MDGA2: variants seen among roughly 807,000 people sequenced by gnomAD.
MDGA2 encodes MAM domain containing glycosylphosphatidylinositol anchor 2, also known as MAM domain-containing glycosylphosphatidylinositol anchor protein 2.
MDGA2 carries 40 observed loss-of-function variants against 117.8 expected under a neutral mutation model. That is an observed-to-expected ratio of 0.34 (90% CI 0.26 to 0.44). The LOEUF (loss-of-function observed/expected upper bound fraction) is 0.44, where lower values mean the gene tolerates loss of function less well. Among genes scored for constraint, MDGA2 ranks in the 20% least tolerant of loss-of-function variants. The pLI is 1.00. For missense variants in MDGA2, 1,123 were observed against 1,250.6 expected, an observed-to-expected ratio of 0.90 and a Z score of 1.54; for synonymous variants, 452 against 439.0, an observed-to-expected ratio of 1.03 and a Z score of -0.37.
At chr14:47,628,060 T>C (rs1227214566) in intron 1 of MDGA2, among the ~76,000 whole-genome samples, 1 of 152,214 alleles carries the variant, frequency 6.6e-6, no homozygotes, top group African/African-American at 2.4e-5. Flanking sequence ...TTTGGGGTTT[T>C]GGTGGGGTAG....
intron 1 of MDGA2, among the ~76,000 whole-genome samples, chr14:47,657,724 C>T (rs941694022): frequency 1.3e-5 from 2 of 152,112 alleles, no homozygotes; most frequent in African/African-American, 2.4e-5. Context: ...CAAAGGGATC[C>T]ACTGAACAGA....
intron 1 of MDGA2, among the ~76,000 whole-genome samples, chr14:47,514,204 A>G (rs1894703926): frequency 6.6e-6 from 1 of 152,114 alleles, no homozygotes; most frequent in Non-Finnish European, 1.5e-5. Flanking sequence ...AGTTGAAGAG[A>G]AAACTCCACT....
chr14:47,529,202 C>T (rs1366903336), intron 1 of MDGA2, among the ~76,000 whole-genome samples: 6 of 151,966 alleles, frequency 3.9e-5, no homozygotes, highest in African/African-American at 1.2e-4. Flanking sequence ...ACTACATCTG[C>T]AATAAAGCTC....
intron 8 of MDGA2, among the ~76,000 whole-genome samples, chr14:47,015,844 A>G (rs1888065241): frequency 6.6e-6 from 1 of 152,096 alleles, no homozygotes; most frequent in Non-Finnish European, 1.5e-5. Context: ...AACCCCCAAA[A>G]TGCAGAATTA....
chr14:47,066,606 G>C (rs540149702), intron 6 of MDGA2, among the ~76,000 whole-genome samples: 2 of 152,246 alleles, frequency 1.3e-5, no homozygotes, highest in South Asian at 4.1e-4. Context: ...TCGGCTATCA[G>C]ACAACTCTCT....
chr14:47,641,355 T>C (rs1897420393), intron 1 of MDGA2, among the ~76,000 whole-genome samples: 1 of 152,200 alleles, frequency 6.6e-6, no homozygotes, highest in East Asian at 1.9e-4. Context: ...CTCTGCCCAC[T>C]GTGGACAATT....
chr14:47,400,293 T>C (rs1355825902), intron 1 of MDGA2, among the ~76,000 whole-genome samples: 5 of 152,156 alleles, frequency 3.3e-5, no homozygotes, highest in Non-Finnish European at 5.9e-5. Flanking sequence ...CTCACAAAAC[T>C]GTACATTCAA....
At chr14:47,485,805 G>A (rs1466876839) in intron 1 of MDGA2, among the ~76,000 whole-genome samples, 1 of 152,198 alleles carries the variant, frequency 6.6e-6, no homozygotes, top group East Asian at 1.9e-4. Context: ...CCCACTTAGT[G>A]TTGAGCCTGC....
chr14:46,845,610 A>C lies in MDGA2; in HGVS notation c.2989+156T>G, dbSNP rs972688606. On this transcript the variant is annotated intron_variant, in intron 16 of 16. Coordinates refer to ENST00000399232, the MANE Select transcript of MDGA2 (RefSeq NM_001113498.3). ...CTACAATTGAATTTAATACTTTAAA[A>C]ATAACTGAACAAACTTTAGGGTATT... is the stretch of plus-strand genomic sequence containing the variant. 5.9e-5 allele frequency among the ~76,000 whole-genome samples: 9 copies of C among 152,212 alleles called. No homozygotes were observed. In the East Asian group the frequency reaches 1.7e-3, roughly 29 times the overall value.
chr14:47,554,290 C>T (rs1268691555), intron 1 of MDGA2, among the ~76,000 whole-genome samples: 1 of 152,158 alleles, frequency 6.6e-6, no homozygotes, highest in Non-Finnish European at 1.5e-5. Context: ...ATGAATTTTG[C>T]TGCTAGGAAA....
chr14:47,223,340 A>C lies in MDGA2; in HGVS notation c.421-5145T>G, dbSNP rs150782100. Among the ~76,000 whole-genome samples, 1,284 of 152,346 alleles carry C rather than the reference A, an allele frequency of 8.4e-3. 20 individuals carry two copies. Among genetic ancestry groups the C allele is most frequent in the African/African-American group, 0.029 (1,225 of 41,572 alleles). ...ATATTAAGGAATGAATGAATGAATG[A>C]ATAAAAAACTCATCTGAATTTATTT... On this transcript the variant is annotated intron_variant, in intron 2 of 16. Transcript: ENST00000399232.
At chr14:47,222,914 G>T (rs1050556585) in intron 2 of MDGA2, among the ~76,000 whole-genome samples, 1 of 152,194 alleles carries the variant, frequency 6.6e-6, no homozygotes, top group Non-Finnish European at 1.5e-5. Flanking sequence ...GAATACAGTT[G>T]TACGAGTCTG....
intron 6 of MDGA2, among the ~76,000 whole-genome samples, chr14:47,078,477 A>G (rs1890579083): frequency 6.6e-6 from 1 of 152,182 alleles, no homozygotes; most frequent in African/African-American, 2.4e-5. Flanking sequence ...CAAACTCATT[A>G]GAATGTCAAC....
chr14:47,368,536 C>T (rs1212818932), intron 1 of MDGA2, among the ~76,000 whole-genome samples: 1 of 152,074 alleles, frequency 6.6e-6, no homozygotes, highest in African/African-American at 2.4e-5. Flanking sequence ...CTTGTGCTTG[C>T]AAGGTTATGC....
At chr14:47,156,587 T>G (rs537605653) in intron 3 of MDGA2, among the ~76,000 whole-genome samples, 6 of 152,306 alleles carry the variant, frequency 3.9e-5, no homozygotes, top group Non-Finnish European at 7.3e-5. Flanking sequence ...TCAATTAATC[T>G]AAAAAATATT....
At position 47,091,673 on chromosome 14, in the gene MDGA2, G is replaced by C. The variant is rs111812349; in HGVS notation, c.1195+5181C>G. Reference sequence around the variant, plus strand: ...TGAGATTTTTTTTTGTTATTTCTGAGTGCACAGTAAGAATTTTCCAGCCTT... The same window carrying C: ...TGAGATTTTTTTTTGTTATTTCTGACTGCACAGTAAGAATTTTCCAGCCTT... On this transcript the variant is annotated intron_variant, in intron 6 of 16. Coordinates refer to ENST00000399232, the MANE Select transcript of MDGA2 (RefSeq NM_001113498.3). Among the ~76,000 whole-genome samples the C allele has an allele frequency of 1.9e-3, 289 of 152,114 alleles. 1 individual carries two copies. The highest frequency in any genetic ancestry group is 6.6e-3 in the African/African-American group (273 of 41,530).
intron 1 of MDGA2, among the ~76,000 whole-genome samples, chr14:47,631,640 T>G (rs1301603108): frequency 5.3e-5 from 8 of 152,172 alleles, no homozygotes; most frequent in Admixed American, 3.9e-4. Context: ...TCACCCAATA[T>G]CTCTCCTATC....
chr14:47,251,090 C>T (rs1188003635), intron 2 of MDGA2, among the ~76,000 whole-genome samples: 1 of 152,202 alleles, frequency 6.6e-6, no homozygotes, highest in Non-Finnish European at 1.5e-5. Flanking sequence ...GCTTAAAAGT[C>T]TCTAATAGCT....
intron 1 of MDGA2, among the ~76,000 whole-genome samples, chr14:47,640,266 C>T (rs28775014): frequency 0.3 from 45,287 of 151,978 alleles, 7,264 homozygotes; most frequent in South Asian, 0.46. Flanking sequence ...TGGTGTATAT[C>T]CAGTTTTCAA....
Sources: allele counts gnomAD v4.1 joint callset (sites outside exome capture counted in the v4.1 genomes callset), GRCh38; gene constraint gnomAD v4.1.1; transcripts MANE v1.5; gene names NCBI Gene and HGNC (gene_info 2026-07-23, HGNC 2026-07-21).